CLSTN1: variants seen among roughly 807,000 people sequenced by gnomAD.
The protein encoded by CLSTN1 is calsyntenin 1.
Under a neutral mutation model 108.3 loss-of-function variants are expected in CLSTN1, and 28 were observed. That is an observed-to-expected ratio of 0.26 (90% CI 0.19 to 0.35). The LOEUF (loss-of-function observed/expected upper bound fraction) is 0.35. CLSTN1 is among the 10% of genes least tolerant of loss of function. The probability of loss-of-function intolerance (pLI) is 1.00; values close to 1 mark genes in which losing one functional copy is unlikely to be tolerated. For synonymous variants in CLSTN1, 524 were observed against 534.9 expected (o/e 0.98, Z 0.28); for missense variants, 1,157 against 1,302.6 (o/e 0.89, Z 1.72).
intron 1 of CLSTN1, among the ~76,000 whole-genome samples, chr1:9,782,655 A>G (rs1653300610): frequency 6.6e-6 from 1 of 152,178 alleles, no homozygotes; most frequent in African/African-American, 2.4e-5. Flanking sequence ...CAACTTTAGG[A>G]TTAACATGAA....
At position 9,736,018 on chromosome 1, in the gene CLSTN1, A is replaced by C. The variant is rs1171249549; in HGVS notation, c.1601T>G (p.Phe534Cys). The C allele has an allele frequency of 6.2e-7, 1 of 1,614,036 alleles. No individual in the cohort carries two copies. The highest frequency in any genetic ancestry group is 8.5e-7 in the Non-Finnish European group (1 of 1,180,034). The change falls in exon 12 of 19, where the codon TTT (phenylalanine) becomes TGT (cysteine). Residue 534 changes from phenylalanine to cysteine, a missense_variant. Phe to Cys is a radical substitution (Grantham distance 205). Coordinates refer to ENST00000377298, the MANE Select transcript of CLSTN1 (RefSeq NM_001009566.3). Reference protein sequence around the residue: ...SAGGDLHMTQFFRGNLAGLTL... With the variant: ...SAGGDLHMTQCFRGNLAGLTL... ...TAAGCCAGCCAGATTGCCTCGGAAA[A>C]ACTGGGTCATGTGCAGGTCGCCACC...
rs115412424 is a variant in CLSTN1, at chr1:9,791,209, T to C, written c.92-17815A>G. 9.2e-3 allele frequency among the ~76,000 whole-genome samples: 1,374 copies of C among 148,962 alleles called. 42 individuals carry two copies. The highest frequency in any genetic ancestry group is 0.047 in the East Asian group (226 of 4,840). On this transcript the variant is annotated intron_variant, in intron 1 of 18. Transcript: ENST00000377298. ...AAACCTGGCTTAAATATAGCAACCC[T>C]AAAGCTGAAAGACAAAGAATTTGAA...
At chr1:9,762,639 G>A (rs552138079) in intron 2 of CLSTN1, among the ~76,000 whole-genome samples, 2 of 135,734 alleles carry the variant, frequency 1.5e-5, no homozygotes, top group East Asian at 2.0e-4. Flanking sequence ...GGGTGTCCGG[G>A]CTGTCCCTGA....
At chr1:9,759,544 A>T (rs1322142934) in intron 2 of CLSTN1, among the ~76,000 whole-genome samples, 1 of 152,214 alleles carries the variant, frequency 6.6e-6, no homozygotes, top group African/African-American at 2.4e-5. Flanking sequence ...GGCCTCCCAA[A>T]GTGCTGAGAT....
In CLSTN1 at chr1:9,776,049, T is replaced by C. The variant is rs145408154; in HGVS notation, c.92-2655A>G. 4.8e-3 allele frequency among the ~76,000 whole-genome samples: 729 copies of C among 151,856 alleles called. 3 individuals are homozygous for C. The highest frequency in any genetic ancestry group is 0.016 in the African/African-American group (656 of 41,436). On this transcript the variant is annotated intron_variant, in intron 1 of 18. Coordinates refer to ENST00000377298, the MANE Select transcript of CLSTN1 (RefSeq NM_001009566.3). ...GTGCAATGGCGCGATCTCAGCTCAC[T>C]GCAACCTTCGCCTCTCAGGTTCAAG... is the stretch of plus-strand genomic sequence containing the variant.
At chr1:9,780,409 A>G (rs1570484477) in intron 1 of CLSTN1, among the ~76,000 whole-genome samples, 1 of 152,174 alleles carries the variant, frequency 6.6e-6, no homozygotes, top group East Asian at 1.9e-4. Flanking sequence ...AAAACCCATG[A>G]TGAGTAGTAA....
chr1:9,808,568 C>T (rs777579828), intron 1 of CLSTN1, among the ~76,000 whole-genome samples: 2 of 152,108 alleles, frequency 1.3e-5, no homozygotes, highest in Non-Finnish European at 2.9e-5. Flanking sequence ...CAAGACAAAG[C>T]TAGGTTGAGG....
chr1:9,814,835 G>A (rs1449857014), intron 1 of CLSTN1, among the ~76,000 whole-genome samples: 2 of 151,798 alleles, frequency 1.3e-5, no homozygotes, highest in Admixed American at 6.6e-5. Flanking sequence ...GGGAGGTTGA[G>A]GCTGCAGTGA....
chr1:9,817,942 G>C (rs1655039579), intron 1 of CLSTN1, among the ~76,000 whole-genome samples: 1 of 151,688 alleles, frequency 6.6e-6, no homozygotes, highest in African/African-American at 2.4e-5. Flanking sequence ...CCATTTAAGG[G>C]TTCCTATATA....
intron 1 of CLSTN1, among the ~76,000 whole-genome samples, chr1:9,811,535 T>C (rs1654755092): frequency 6.6e-6 from 1 of 151,700 alleles, no homozygotes; most frequent in South Asian, 2.1e-4. Flanking sequence ...CAAGGTCCCC[T>C]TCCAACTAGT....
chr1:9,823,721 G>T lies in CLSTN1; in HGVS notation c.13C>A (p.Pro5Thr). 9.2e-7 allele frequency: 1 copy of T among 1,086,950 alleles called. No individual in the cohort carries two copies. 67.3% of individuals were successfully genotyped at this position (1,086,950 alleles called of 1,614,324 possible). ...GCGGCCGGGGCCAGCGCGGGAGCGGGGCGGCGCAGCATCGCCAGCCCGGGG... is the reference window on the plus strand; with the variant it reads ...GCGGCCGGGGCCAGCGCGGGAGCGGTGCGGCGCAGCATCGCCAGCCCGGGG... MLRRPAPALAPAARL... is the reference protein window; with the variant it reads MLRRTAPALAPAARL... The change falls in exon 1 of 19, where the codon CCC (proline) becomes ACC (threonine). Residue 5 changes from proline to threonine, a missense_variant. Pro to Thr is a conservative substitution (Grantham distance 38). Coordinates refer to ENST00000377298, the MANE Select transcript of CLSTN1 (RefSeq NM_001009566.3). This position sits in a 1 kb window ranked among gnomAD's most constrained non-coding sequence, Gnocchi z 6.3.
intron 2 of CLSTN1, among the ~76,000 whole-genome samples, chr1:9,759,753 C>T (rs888533417): frequency 2.6e-5 from 4 of 152,208 alleles, no homozygotes; most frequent in Admixed American, 6.5e-5. Context: ...AGTTCTTCAC[C>T]GAAAAGGTTT....
chr1:9,759,400 C>T (rs12749681), intron 2 of CLSTN1, among the ~76,000 whole-genome samples: 19 of 152,134 alleles, frequency 1.2e-4, no homozygotes, highest in African/African-American at 4.6e-4. Flanking sequence ...CTCAGCCTCC[C>T]GAGTAGCTGG....
intron 1 of CLSTN1, among the ~76,000 whole-genome samples, chr1:9,806,326 A>G (rs1654505900): frequency 6.6e-6 from 1 of 152,096 alleles, no homozygotes; most frequent in Admixed American, 6.6e-5. Context: ...ACAAAAACAC[A>G]TAACCACAAG....
At chr1:9,741,681 G>T (rs1166094822) in intron 9 of CLSTN1, among the ~76,000 whole-genome samples, 1 of 152,230 alleles carries the variant, frequency 6.6e-6, no homozygotes, top group African/African-American at 2.4e-5. Context: ...GGAGGCCAAG[G>T]CGAGGAGATC....
At chr1:9,786,791 C>A (rs1459745591) in intron 1 of CLSTN1, among the ~76,000 whole-genome samples, 1 of 151,412 alleles carries the variant, frequency 6.6e-6, no homozygotes, top group Non-Finnish European at 1.5e-5. Context: ...CTCACCACTA[C>A]CCAGCTCACA....
chr1:9,740,261 C>A (rs927159846), intron 10 of CLSTN1, among the ~76,000 whole-genome samples: 5 of 151,152 alleles, frequency 3.3e-5, no homozygotes, highest in Admixed American at 1.3e-4. Flanking sequence ...GGTTTCACCA[C>A]GTTGGCCAGG....
chr1:9,735,208 T>C (rs760040804), intron 13 of CLSTN1, 34 bp from the exon 14 acceptor site: 1 of 1,607,534 alleles, frequency 6.2e-7, no homozygotes, highest in South Asian at 1.1e-5. Context: ...GTCAGGGCTT[T>C]GGGAGCCGAT....
At chr1:9,776,121 C>CA (rs1302499421) in intron 1 of CLSTN1, among the ~76,000 whole-genome samples, 8 of 152,080 alleles carry the variant, frequency 5.3e-5, no homozygotes, top group African/African-American at 9.7e-5. Flanking sequence ...TACAGGCGCT[C>CA]ACCACCACGC....
Sources: allele counts gnomAD v4.1 joint callset (sites outside exome capture counted in the v4.1 genomes callset), GRCh38; gene constraint gnomAD v4.1.1; non-coding constraint Gnocchi (gnomAD v3.1); transcripts MANE v1.5; gene names NCBI Gene and HGNC (gene_info 2026-07-23, HGNC 2026-07-21).